SLC35A5: variants seen among roughly 807,000 people sequenced by gnomAD.
The protein encoded by SLC35A5 is UDP-sugar transporter protein SLC35A5.
Under a neutral mutation model 36.3 loss-of-function variants are expected in SLC35A5, and 28 were observed. That is an observed-to-expected ratio of 0.77 (90% CI 0.57 to 1.06). The LOEUF is 1.06. SLC35A5 is among the 50% of genes least tolerant of loss of function. The pLI is 0.00. For missense variants in SLC35A5, 521 were observed against 499.3 expected, an observed-to-expected ratio of 1.04 and a Z score of -0.41; for synonymous variants, 180 against 173.7, an observed-to-expected ratio of 1.04 and a Z score of -0.29.
At chr3:112,566,912 A>G (rs1934220190) in intron 2 of SLC35A5, among the ~76,000 whole-genome samples, 1 of 152,194 alleles carries the variant, frequency 6.6e-6, no homozygotes, top group Admixed American at 6.5e-5. Context: ...AAGGGCAGTA[A>G]GCCAGTTAGT....
chr3:112,568,690 G>A (rs1428527744), intron 2 of SLC35A5, among the ~76,000 whole-genome samples: 5 of 152,148 alleles, frequency 3.3e-5, no homozygotes, highest in East Asian at 1.9e-4. Context: ...TGTGTGTACC[G>A]TGATATAAAA....
chr3:112,567,553 C>T (rs1485877371), intron 2 of SLC35A5, among the ~76,000 whole-genome samples: 1 of 152,204 alleles, frequency 6.6e-6, no homozygotes, highest in Non-Finnish European at 1.5e-5. Flanking sequence ...GATCCACCTG[C>T]CTCGGCCTCC....
chr3:112,564,994 C>A (rs984862017), intron 2 of SLC35A5, among the ~76,000 whole-genome samples: 6 of 152,192 alleles, frequency 3.9e-5, no homozygotes, highest in African/African-American at 1.4e-4. Context: ...ACAATCTGAT[C>A]TCTCTTTTCC....
At chr3:112,568,850 A>G (rs561270015) in intron 2 of SLC35A5, among the ~76,000 whole-genome samples, 7 of 152,322 alleles carry the variant, frequency 4.6e-5, no homozygotes, top group Middle Eastern at 3.4e-3. Flanking sequence ...TTGATGGTCA[A>G]TTTAGCAGGC....
chr3:112,579,308 G>T (rs1934796215), intron 5 of SLC35A5, among the ~76,000 whole-genome samples: 3 of 152,054 alleles, frequency 2.0e-5, no homozygotes. Context: ...ATGCCTAAGT[G>T]TATGGTAGGT....
intron 6 of SLC35A5, 152 bp downstream of exon 6, chr3:112,581,478 CTGA>C: frequency 1.2e-6 from 1 of 832,968 alleles, no homozygotes; most frequent in Non-Finnish European, 1.8e-6. Flanking sequence ...CCTTTTACTC[CTGA>C]TGTTTGCAAG....
chr3:112,571,530 G>C (rs1411402275), intron 4 of SLC35A5, among the ~76,000 whole-genome samples: 3 of 152,186 alleles, frequency 2.0e-5, no homozygotes, highest in Non-Finnish European at 2.9e-5. Flanking sequence ...GCTCAAGATA[G>C]AACTGTATTA....
chr3:112,581,584 C>T (rs1230489948), intron 6 of SLC35A5, among the ~76,000 whole-genome samples: 1 of 152,154 alleles, frequency 6.6e-6, no homozygotes. Flanking sequence ...TAGAATTATA[C>T]ACCTGGAAGA....
chr3:112,580,089 A>T (rs1250349999), intron 5 of SLC35A5, among the ~76,000 whole-genome samples: 2 of 151,866 alleles, frequency 1.3e-5, no homozygotes, highest in African/African-American at 2.4e-5. Context: ...GGACACCTTT[A>T]AAGATTTGAC....
At chr3:112,573,783 G>T in intron 4 of SLC35A5, 106 bp from the exon 5 acceptor site, 1 of 862,954 alleles carries the variant, frequency 1.2e-6, no homozygotes, top group South Asian at 1.5e-5. Context: ...TAACCCCTCT[G>T]TTTTTTGACC....
chr3:112,561,651 C>T (rs1239197130), upstream of SLC35A5: 4 of 1,003,644 alleles, frequency 4.0e-6, no homozygotes, highest in African/African-American at 6.6e-5. Context: ...TGGCAGCACC[C>T]GAGGGGACGG....
chr3:112,567,539 A>G (rs1934255262), intron 2 of SLC35A5, among the ~76,000 whole-genome samples: 1 of 152,098 alleles, frequency 6.6e-6, no homozygotes, highest in Admixed American at 6.5e-5. Context: ...TCCTGACCTC[A>G]AGTGATCCAC....
At chr3:112,574,271 T>C (rs1934576472) in intron 5 of SLC35A5, among the ~76,000 whole-genome samples, 1 of 152,358 alleles carries the variant, frequency 6.6e-6, no homozygotes, top group East Asian at 1.9e-4. Context: ...TGCAAAATCT[T>C]TCTGCACTAA....
At position 112,584,799 on chromosome 3, in the gene SLC35A5, C is replaced by T. The variant is rs1935082499; in HGVS notation, c.*2063C>T. On this transcript the variant is annotated 3_prime_UTR_variant, in exon 7 of 7. Transcript: ENST00000492406. ...TCATGGACTCAACCTAAGTGTCCAT[C>T]AGTGGTGCCTGGAATAAGAAAATGT... 1 of 152,124 alleles carries T rather than the reference C, an allele frequency of 6.6e-6. No homozygotes were observed. The highest frequency in any genetic ancestry group is 2.4e-5 in the African/African-American group (1 of 41,430). The allele number at this position is 152,124 out of a possible 1,614,324, so 9.4% of individuals were successfully genotyped here. A position where few individuals can be genotyped will look rare whatever the true frequency, so the allele number is the denominator to read the frequency against.
At chr3:112,567,373 A>G (rs1934244352) in intron 2 of SLC35A5, among the ~76,000 whole-genome samples, 2 of 152,052 alleles carry the variant, frequency 1.3e-5, no homozygotes, top group South Asian at 4.1e-4. Context: ...AGCTCACTGC[A>G]ACCTCCACCT....
chr3:112,580,016 A>G (rs147561563), intron 5 of SLC35A5, among the ~76,000 whole-genome samples: 80 of 152,346 alleles, frequency 5.3e-4, no homozygotes, highest in African/African-American at 1.9e-3. Context: ...TTGCTGTTTA[A>G]TGCTCTACGA....
At position 112,582,871 on chromosome 3, in the gene SLC35A5, C is replaced by T. The variant is rs1934996559; in HGVS notation, c.*135C>T. ...ATTCTTTGCATATATCTAGCTACTC[C>T]CTAAATGGTTCCATCCAAGGCTTAG... On this transcript the variant is annotated 3_prime_UTR_variant, in exon 7 of 7. Coordinates refer to ENST00000492406, the MANE Select transcript of SLC35A5 (RefSeq NM_017945.5). 1.4e-6 allele frequency: 1 copy of T among 712,708 alleles called. No individual in the cohort carries two copies. Among genetic ancestry groups the T allele is most frequent in the Admixed American group, 2.8e-5 (1 of 35,672 alleles). 44.1% of individuals were successfully genotyped at this position (712,708 alleles called of 1,614,324 possible). A position where few individuals can be genotyped will look rare whatever the true frequency, so the allele number is the denominator to read the frequency against.
At chr3:112,573,350 A>G (rs533735384) in intron 4 of SLC35A5, among the ~76,000 whole-genome samples, 3 of 152,356 alleles carry the variant, frequency 2.0e-5, no homozygotes, top group East Asian at 3.9e-4. Context: ...TGGCTGATAC[A>G]TTTCTAAGTG....
At chr3:112,575,993 C>T (rs1041874680) in intron 5 of SLC35A5, among the ~76,000 whole-genome samples, 2 of 152,072 alleles carry the variant, frequency 1.3e-5, no homozygotes, top group Non-Finnish European at 2.9e-5. Flanking sequence ...CTCCTGACCT[C>T]AGGTGATCTG....
Sources: allele counts gnomAD v4.1 joint callset (sites outside exome capture counted in the v4.1 genomes callset), GRCh38; gene constraint gnomAD v4.1.1; transcripts MANE v1.5; gene names NCBI Gene and HGNC (gene_info 2026-07-23, HGNC 2026-07-21).